TNXB: variants seen among roughly 807,000 people sequenced by gnomAD.
TNXB encodes the protein tenascin-X.
TNXB carries 183 observed loss-of-function variants against 340.5 expected under a neutral mutation model. The ratio of observed to expected loss-of-function variants is 0.54; its 90% confidence interval spans 0.48 to 0.61. The LOEUF is 0.61. Ranked by LOEUF, TNXB falls within the 20% of genes least tolerant of loss-of-function variation. The pLI is 0.00. For missense variants in TNXB, 4,613 were observed against 5,446.4 expected (o/e 0.85, Z 4.82); for synonymous variants, 2,121 against 2,314.5 (o/e 0.92, Z 2.40).
At chr6:32,054,246 C>T (rs1286855154) in intron 24 of TNXB, among the ~76,000 whole-genome samples, 1 of 152,178 alleles carries the variant, frequency 6.6e-6, no homozygotes, top group Non-Finnish European at 1.5e-5. Flanking sequence ...CACCAACTGC[C>T]TACTGGCCTC....
chr6:32,079,072 C>G lies in TNXB; in HGVS notation c.4336G>C (p.Gly1446Arg). 6.2e-7 allele frequency: 1 copy of G among 1,613,446 alleles called. No individual in the cohort carries two copies. Among genetic ancestry groups the G allele is most frequent in the Non-Finnish European group, 8.5e-7 (1 of 1,179,794 alleles). The change falls in exon 11 of 44, where the codon GGG becomes CGG. Residue 1446 changes from glycine (G) to arginine (R), a missense_variant. Gly to Arg is a moderately radical substitution (Grantham distance 125, BLOSUM62 -2). Around this residue, in one of 7 missense-constraint regions of TNXB, gnomAD observed 4,327 missense variants for 4,859.4 expected, o/e 0.89. Coordinates refer to ENST00000644971, the MANE Select transcript of TNXB (RefSeq NM_001365276.2). This position sits in a 1 kb window ranked among gnomAD's most constrained non-coding sequence, Gnocchi z 7.1. The stretch of plus-strand genomic sequence containing the variant: ...GCGGACACCGGGCCCACGCGCTGCC[C>G]CTCGTGGAGGCCGTACAGGTGCATC... The part of the protein sequence containing the change: ...YKMHLYGLHE[G>R]QRVGPVSAVG...
At position 32,067,239 on chromosome 6, in the gene TNXB, T is replaced by C. The variant is rs966696134; in HGVS notation, c.6544+422A>G. Among the ~76,000 whole-genome samples, 5 of 152,198 alleles carry C rather than the reference T, an allele frequency of 3.3e-5. No homozygotes were observed. The highest frequency in any genetic ancestry group is 1.2e-4 in the African/African-American group (5 of 41,452). On this transcript the variant is annotated intron_variant, in intron 18 of 43. Coordinates refer to ENST00000644971, the MANE Select transcript of TNXB (RefSeq NM_001365276.2). The surrounding 1 kb of genome is among the most constrained non-coding windows in gnomAD (Gnocchi z 4.2). Reference sequence around the variant, plus strand: ...TGGGTGGGGCAGAGATGAGCCAGACTGGCCAGAAGTCGATATTTGATTGAA... The same window carrying C: ...TGGGTGGGGCAGAGATGAGCCAGACCGGCCAGAAGTCGATATTTGATTGAA...
intron 1 of TNXB, 100 bp downstream of exon 1, chr6:32,109,081 C>T (rs1404739614): frequency 6.6e-6 from 1 of 152,498 alleles, no homozygotes; most frequent in Non-Finnish European, 1.5e-5. Flanking sequence ...TCTGGAAGCA[C>T]TGCTGAGAGC....
At position 32,074,703 on chromosome 6, in the gene TNXB, G is replaced by A. The variant is rs1184211582; in HGVS notation, c.4376-751C>T. On this transcript the variant is annotated intron_variant, in intron 11 of 43. Coordinates refer to ENST00000644971, the MANE Select transcript of TNXB (RefSeq NM_001365276.2). The surrounding 1 kb of genome is among the most constrained non-coding windows in gnomAD (Gnocchi z 5.5). ...GATTACAACTTTTTTTTTTTGAGAC[G>A]GAGTTTCGCTGTTGTTGCTCAGGCT... is the stretch of plus-strand genomic sequence containing the variant. Among the ~76,000 whole-genome samples, 1 of 151,746 alleles carries A rather than the reference G, an allele frequency of 6.6e-6. No homozygotes were observed. Among genetic ancestry groups the A allele is most frequent in the African/African-American group, 2.4e-5 (1 of 41,302 alleles).
intron 18 of TNXB, among the ~76,000 whole-genome samples, chr6:32,066,679 G>A (rs949133912): frequency 6.6e-6 from 1 of 152,218 alleles, no homozygotes; most frequent in Non-Finnish European, 1.5e-5. Flanking sequence ...TCGTGGTGAT[G>A]GCTGCACAAG....
At position 32,050,225 on chromosome 6, in the gene TNXB, G is replaced by A. The variant is rs753102887; in HGVS notation, c.9212C>T (p.Ala3071Val). The A allele has an allele frequency of 3.5e-5, 56 of 1,613,594 alleles. No individual in the cohort carries two copies. The highest frequency in any genetic ancestry group is 3.6e-5 in the Non-Finnish European group (42 of 1,179,878). ...GGACAGGCTGAGGGAGTCGGGGGTG[G>A]CATCTGTCACGGTCAGCTCCCCCAG... ...PRLGELTVTD[A>V]TPDSLSLSWM... Residue 3071 changes from alanine (A) to valine (V), a missense_variant, in exon 27 of 44, where the codon GCC (alanine) becomes GTC (valine). Physicochemically the swap from Ala to Val is moderately conservative, Grantham distance 64. Around this residue, in one of 7 missense-constraint regions of TNXB, gnomAD observed 4,327 missense variants for 4,859.4 expected, o/e 0.89. Transcript: ENST00000644971.
chr6:32,050,278 C>T lies in TNXB; in HGVS notation c.9159G>A (p.Met3053Ile), dbSNP rs1026537163. ...GAGGCTTGATGGGGGGCTCAGGGGT[C>T]ATGGTAGGCACTGCTTGGGTGGTCT... is the stretch of plus-strand genomic sequence containing the variant. ...EAETTQAVPT[M>I]TPEPPIKPRL... is the part of the protein sequence containing the mutation. Residue 3053 changes from methionine (M) to isoleucine (I), a missense_variant, in exon 27 of 44, where the codon ATG becomes ATA. Met to Ile is a conservative substitution (Grantham distance 10, BLOSUM62 1). Coordinates refer to ENST00000644971, the MANE Select transcript of TNXB (RefSeq NM_001365276.2). 53 of 1,613,222 alleles carry T rather than the reference C, an allele frequency of 3.3e-5. No individual in the cohort carries two copies. The highest frequency in any genetic ancestry group is 6.7e-5 in the Admixed American group (4 of 60,008).
At chr6:32,101,047 C>T (rs1466245238) in intron 1 of TNXB, among the ~76,000 whole-genome samples, 4 of 120,076 alleles carry the variant, frequency 3.3e-5, no homozygotes, top group Non-Finnish European at 4.8e-5. Flanking sequence ...CACTTCACTT[C>T]AGCCTGAGAG....
rs757178741 is a variant in TNXB, at chr6:32,061,579, C to T, written c.7310G>A (p.Arg2437His). Reference protein sequence around the residue: ...LSLSWTVPQGRFDSFTVQYKD... With the variant: ...LSLSWTVPQGHFDSFTVQYKD... ...GTACTGCACGGTGAAGGAGTCGAAG[C>T]GGCCCTGGGGGACGGTCCAGGAGAG... The change falls in exon 21 of 44, where the codon CGC becomes CAC. Residue 2437 changes from arginine (R) to histidine (H), a missense_variant. Transcript: ENST00000644971. This position sits in a 1 kb window ranked among gnomAD's most constrained non-coding sequence, Gnocchi z 4.4. The T allele has an allele frequency of 7.6e-5, 123 of 1,613,154 alleles. No homozygotes were observed. The highest frequency in any genetic ancestry group is 9.8e-5 in the Non-Finnish European group (116 of 1,179,890).
rs924704752 is a variant in TNXB at position 32,074,915 on chromosome 6, G to A, written c.4376-963C>T. 3.3e-5 allele frequency among the ~76,000 whole-genome samples: 5 copies of A among 152,152 alleles called. No individual in the cohort carries two copies. Among genetic ancestry groups the A allele is most frequent in the South Asian group, 2.1e-4 (1 of 4,834 alleles). On this transcript the variant is annotated intron_variant, in intron 11 of 43. Coordinates refer to ENST00000644971, the MANE Select transcript of TNXB (RefSeq NM_001365276.2). The surrounding 1 kb of genome is among the most constrained non-coding windows in gnomAD (Gnocchi z 5.5). ...GGTTGGTCTTGAACTCCCGACCTCA[G>A]GTGATCCGCCCGCCTCGGCCTCCCC...
intron 21 of TNXB, among the ~76,000 whole-genome samples, chr6:32,059,260 A>T (rs1177201439): frequency 6.6e-6 from 1 of 151,162 alleles, no homozygotes; most frequent in Non-Finnish European, 1.5e-5. Context: ...CTCTACTGAA[A>T]ATACAAAAAT....
Position 32,067,724 on chromosome 6 carries a change from T to A in TNXB, c.6481A>T (p.Met2161Leu). The change falls in exon 18 of 44, where the codon ATG becomes TTG. Residue 2161 changes from methionine to leucine, a missense_variant. Met to Leu is a conservative substitution (Grantham distance 15). Coordinates refer to ENST00000644971, the MANE Select transcript of TNXB (RefSeq NM_001365276.2). The surrounding 1 kb of genome is among the most constrained non-coding windows in gnomAD (Gnocchi z 4.2). ...CCCTCGTGGAGGCCGTACAGGTGCATCTTGTACTTGCGCCCAGGCTCCAGG... is the reference window on the plus strand; with the variant it reads ...CCCTCGTGGAGGCCGTACAGGTGCAACTTGTACTTGCGCCCAGGCTCCAGG... Reference protein sequence around the residue: ...GGLEPGRKYKMHLYGLHEGRR... With the variant: ...GGLEPGRKYKLHLYGLHEGRR... 1.9e-6 allele frequency: 3 copies of A among 1,613,814 alleles called. No individual in the cohort carries two copies. Among genetic ancestry groups the A allele is most frequent in the Non-Finnish European group, 2.5e-6 (3 of 1,179,858 alleles).
rs1006593936 is a variant in TNXB at position 32,051,694 on chromosome 6, A to G, written c.9115+976T>C. ...CAAGGTGGGAGACTCGCTTGAGGCC[A>G]GGAGTTTGAGACCAGCCTGGGCAAC... On this transcript the variant is annotated intron_variant, in intron 26 of 43. Transcript: ENST00000644971. The surrounding 1 kb of genome is among the most constrained non-coding windows in gnomAD (Gnocchi z 4.7). 1.3e-5 allele frequency among the ~76,000 whole-genome samples: 2 copies of G among 152,014 alleles called. No individual in the cohort carries two copies. Among genetic ancestry groups the G allele is most frequent in the African/African-American group, 4.8e-5 (2 of 41,392 alleles).
At position 32,086,058 on chromosome 6, in the gene TNXB, G is replaced by A. The variant is rs758324181; in HGVS notation, c.2840C>T (p.Thr947Met). ...GAGAGGAGCCTGGGCCCCTTGCGTC[G>A]TCGAGGGGCCTGAGGGAGGAGGCTC... ...TDEPPPSGPS[T>M]TQGAQAPLLQ... is the part of the protein sequence containing the mutation. The change falls in exon 7 of 44, where the codon ACG (threonine) becomes ATG (methionine). Residue 947 changes from threonine (T) to methionine (M), a missense_variant. Thr to Met is a moderately conservative substitution (Grantham distance 81, BLOSUM62 -1). Around this residue, in one of 7 missense-constraint regions of TNXB, gnomAD observed 4,327 missense variants for 4,859.4 expected, o/e 0.89. Transcript: ENST00000644971. 14 of 1,593,078 alleles carry A rather than the reference G, an allele frequency of 8.8e-6. No individual in the cohort carries two copies. In the Admixed American group the frequency reaches 1.2e-4, roughly 14 times the overall value.
At chr6:32,063,676 T>A (rs1341022731) in intron 19 of TNXB, among the ~76,000 whole-genome samples, 1 of 152,230 alleles carries the variant, frequency 6.6e-6, no homozygotes, top group Non-Finnish European at 1.5e-5. Context: ...AATCAATTGC[T>A]TTGTTTTCAT....
chr6:32,096,035 G>A lies in TNXB; in HGVS notation c.1818C>T (p.Ile606=), dbSNP rs756583062. The A allele has an allele frequency of 6.2e-7, 1 of 1,613,192 alleles. No homozygotes were observed. The highest frequency in any genetic ancestry group is 8.5e-7 in the Non-Finnish European group (1 of 1,179,774). The part of the protein sequence containing the change: ...QHGVCQDGVC[I]CWEGYVSEDC... ...CCTCACTCACGTAGCCTTCCCAACA[G>A]ATGCACACACCGTCCTGGCACACGC... Residue 606 remains isoleucine (I), a synonymous_variant, in exon 3 of 44, where the codon ATC becomes ATT. Coordinates refer to ENST00000644971, the MANE Select transcript of TNXB (RefSeq NM_001365276.2).
At position 32,062,118 on chromosome 6, in the gene TNXB, C is replaced by T; in HGVS notation, c.7168+39G>A. 1.9e-6 allele frequency: 3 copies of T among 1,588,044 alleles called. No homozygotes were observed. ...CACCAAAGAGCAAGAGGGTGACCCT[C>T]CCATGGCTCCCACCCTGGGGCTCCC... is the stretch of plus-strand genomic sequence containing the variant. On this transcript the variant is annotated intron_variant, in intron 20 of 43. Transcript: ENST00000644971. The surrounding 1 kb of genome is among the most constrained non-coding windows in gnomAD (Gnocchi z 4.3).
At position 32,052,253 on chromosome 6, in the gene TNXB, C is replaced by G. The variant is rs1777324696; in HGVS notation, c.9115+417G>C. Among the ~76,000 whole-genome samples, 1 of 152,042 alleles carries G rather than the reference C, an allele frequency of 6.6e-6. No homozygotes were observed. Among genetic ancestry groups the G allele is most frequent in the Non-Finnish European group, 1.5e-5 (1 of 68,006 alleles). The stretch of plus-strand genomic sequence containing the variant: ...GATCACGAGGTCAGGAGATTGAGAC[C>G]ATCCTGGCTAACACGGTGAAACCCA... On this transcript the variant is annotated intron_variant, in intron 26 of 43. Transcript: ENST00000644971. This position sits in a 1 kb window ranked among gnomAD's most constrained non-coding sequence, Gnocchi z 4.7.
At position 32,084,302 on chromosome 6, in the gene TNXB, G is replaced by T; in HGVS notation, c.3445+111C>A. 2 of 1,075,724 alleles carry T rather than the reference G, an allele frequency of 1.9e-6. No homozygotes were observed. Among genetic ancestry groups the T allele is most frequent in the Non-Finnish European group, 2.6e-6 (2 of 774,898 alleles). The allele number at this position is 1,075,724 out of a possible 1,614,324, so 66.6% of individuals were successfully genotyped here. ...ACTTTCCCTTCAGAATTCAGCTCATGCACCACTGCCTCCAGGAAGCCTTCC... is the reference window on the plus strand; with the variant it reads ...ACTTTCCCTTCAGAATTCAGCTCATTCACCACTGCCTCCAGGAAGCCTTCC... On this transcript the variant is annotated intron_variant, in intron 8 of 43. Coordinates refer to ENST00000644971, the MANE Select transcript of TNXB (RefSeq NM_001365276.2). The surrounding 1 kb of genome is among the most constrained non-coding windows in gnomAD (Gnocchi z 5.5).
Sources: gnomAD v4.1 joint callset for allele counts (sites outside exome capture counted in the v4.1 genomes callset) on GRCh38, gnomAD v4.1.1 for gene constraint, gnomAD v4.1.1 regional missense constraint, Gnocchi (gnomAD v3.1) non-coding constraint, MANE v1.5 for transcripts, NCBI Gene and HGNC (gene_info 2026-07-23, HGNC 2026-07-21) for gene names.